NSMF: variants seen among roughly 807,000 people sequenced by gnomAD.
NSMF encodes the protein nasal embryonic LHRH factor.
A neutral mutation model predicts 71.0 loss-of-function variants in NSMF; 31 were observed. That is an observed-to-expected ratio of 0.44 (90% CI 0.33 to 0.59). The LOEUF (loss-of-function observed/expected upper bound fraction) is 0.59. Ranked by LOEUF, NSMF falls within the 20% of genes least tolerant of loss-of-function variation. The pLI is 0.04. For missense variants in NSMF, 673 were observed against 740.5 expected (o/e 0.91, Z 1.06); for synonymous variants, 345 against 287.1 (o/e 1.20, Z -2.04).
intron 1 of NSMF, 126 bp from the exon 2 acceptor site, chr9:137,458,675 C>A (rs1831000086): frequency 1.1e-6 from 1 of 952,290 alleles, no homozygotes; most frequent in Non-Finnish European, 1.6e-6. Context: ...TCGGGGTCGT[C>A]CCCCTCCGGG....
At position 137,454,424 on chromosome 9, in the gene NSMF, G is replaced by C; in HGVS notation, c.799C>G (p.Arg267Gly). ...VIQRNFRKHLRMVGSRRVKAQ... is the reference protein window; with the variant it reads ...VIQRNFRKHLGMVGSRRVKAQ... ...TTCACCCTCCGGCTGCCGACCATGC[G>C]CAGGTGTTTGCGGAAGTTCCTGGGG... Residue 267 changes from arginine (R) to glycine (G), a missense_variant, in exon 7 of 16, where the codon CGC becomes GGC. Physicochemically the swap from Arg to Gly is moderately radical, Grantham distance 125. Transcript: ENST00000371475. 6.5e-7 allele frequency: 1 copy of C among 1,550,242 alleles called. No individual in the cohort carries two copies.
At chr9:137,454,335 G>T in intron 7 of NSMF, 56 bp downstream of exon 7, 2 of 1,497,396 alleles carry the variant, frequency 1.3e-6, no homozygotes, top group Non-Finnish European at 1.8e-6. Context: ...AGCAAGCAAA[G>T]CCCCAACCAG....
chr9:137,450,860 TTTGATCTCCCCCCCACACCTCTTCCCC>T (rs1830470112), intron 12 of NSMF, among the ~76,000 whole-genome samples: 1 of 11,262 alleles, frequency 8.9e-5, no homozygotes, highest in Non-Finnish European at 1.6e-4. Context: ...GCCTCTTCCT[TTTGATCTCCCCCCCACACCTCTTCCCC>T]TTGATCTCCC....
Position 137,452,835 on chromosome 9 carries a change from G to A in NSMF, c.1048-16C>T. The A allele has an allele frequency of 1.9e-6, 3 of 1,590,728 alleles. No homozygotes were observed. The highest frequency in any genetic ancestry group is 2.6e-6 in the Non-Finnish European group (3 of 1,169,804). ...AGGAAATGAGCTGCGGAGACAAAGAGCTGCTCAGGGGCCCCAGGCCCATCC... is the reference window on the plus strand; with the variant it reads ...AGGAAATGAGCTGCGGAGACAAAGAACTGCTCAGGGGCCCCAGGCCCATCC... On this transcript the variant is annotated splice_polypyrimidine_tract_variant and intron_variant, in intron 9 of 15. Transcript: ENST00000371475.
In NSMF at chr9:137,453,250, C is replaced by T; in HGVS notation, c.923-70G>A. On this transcript the variant is annotated intron_variant, in intron 8 of 15. Coordinates refer to ENST00000371475, the MANE Select transcript of NSMF (RefSeq NM_001130969.3). This position sits in a 1 kb window ranked among gnomAD's most constrained non-coding sequence, Gnocchi z 4.5. Reference sequence around the variant, plus strand: ...TCCTATCCTGGCCATGGCCCCAAGGCCCACAGGGCCCGAAAGCCCCATCCC... The same window carrying T: ...TCCTATCCTGGCCATGGCCCCAAGGTCCACAGGGCCCGAAAGCCCCATCCC... 6.3e-7 allele frequency: 1 copy of T among 1,599,924 alleles called. No homozygotes were observed. Among genetic ancestry groups the T allele is most frequent in the Non-Finnish European group, 8.5e-7 (1 of 1,176,654 alleles).
In NSMF at chr9:137,453,618, G is replaced by C; in HGVS notation, c.922+113C>G. The C allele has an allele frequency of 1.3e-6, 1 of 769,250 alleles. No individual in the cohort carries two copies. The highest frequency in any genetic ancestry group is 2.0e-6 in the Non-Finnish European group (1 of 488,534). 47.7% of individuals were successfully genotyped at this position (769,250 alleles called of 1,614,324 possible). ...CCCATCTCACAAACAGGTAAACCAA[G>C]ATTCAGGAGTGCAAAAGCGCAGCCC... On this transcript the variant is annotated intron_variant, in intron 8 of 15. Coordinates refer to ENST00000371475, the MANE Select transcript of NSMF (RefSeq NM_001130969.3). The surrounding 1 kb of genome is among the most constrained non-coding windows in gnomAD (Gnocchi z 4.5).
Position 137,453,233 on chromosome 9 carries a change from T to C in NSMF, c.923-53A>G. 6.2e-7 allele frequency: 1 copy of C among 1,607,424 alleles called. No homozygotes were observed. The highest frequency in any genetic ancestry group is 8.5e-7 in the Non-Finnish European group (1 of 1,179,024). Reference sequence around the variant, plus strand: ...GCAGGCCCGGCAGCACCTCCTATCCTGGCCATGGCCCCAAGGCCCACAGGG... The same window carrying C: ...GCAGGCCCGGCAGCACCTCCTATCCCGGCCATGGCCCCAAGGCCCACAGGG... On this transcript the variant is annotated intron_variant, in intron 8 of 15. Coordinates refer to ENST00000371475, the MANE Select transcript of NSMF (RefSeq NM_001130969.3). This position sits in a 1 kb window ranked among gnomAD's most constrained non-coding sequence, Gnocchi z 4.5.
Position 137,458,477 on chromosome 9 carries a change from C to T in NSMF, c.133+11G>A, listed in dbSNP as rs749056503. The stretch of plus-strand genomic sequence containing the variant: ...TCTGGGCGGCCCTGGCACGGCCTCG[C>T]GTGCCCCTACCTGCGCCGTTGCGGT... On this transcript the variant is annotated intron_variant, in intron 2 of 15. Coordinates refer to ENST00000371475, the MANE Select transcript of NSMF (RefSeq NM_001130969.3). The T allele has an allele frequency of 1.6e-5, 26 of 1,577,182 alleles. 1 individual carries two copies. The East Asian group carries it at 5.4e-4, about 33-fold the overall frequency.
Position 137,453,354 on chromosome 9 carries a change from G to T in NSMF, c.923-174C>A. On this transcript the variant is annotated intron_variant, in intron 8 of 15. Transcript: ENST00000371475. The surrounding 1 kb of genome is among the most constrained non-coding windows in gnomAD (Gnocchi z 4.5). ...CAGGACAGGCCTGTGGACACCACTGGGCAGCGGCCTGATGTGGGAAGGGAG... is the reference window on the plus strand; with the variant it reads ...CAGGACAGGCCTGTGGACACCACTGTGCAGCGGCCTGATGTGGGAAGGGAG... 1.2e-6 allele frequency: 1 copy of T among 850,406 alleles called. No individual in the cohort carries two copies. Among genetic ancestry groups the T allele is most frequent in the Non-Finnish European group, 1.8e-6 (1 of 549,414 alleles). The allele number at this position is 850,406 out of a possible 1,614,324, so 52.7% of individuals were successfully genotyped here.
At chr9:137,458,364 G>A (rs1269663903) in intron 2 of NSMF, 124 bp downstream of exon 2, 4 of 886,156 alleles carry the variant, frequency 4.5e-6, no homozygotes, top group African/African-American at 1.7e-5. Flanking sequence ...AAGGAAGCCA[G>A]GCCGGCAGGG....
intron 12 of NSMF, 98 bp from the exon 13 acceptor site, chr9:137,450,353 TC>T: frequency 1.1e-6 from 1 of 943,576 alleles, no homozygotes. Flanking sequence ...TTGGTCTTCA[TC>T]CCCCGGCCAC....
In NSMF at chr9:137,449,080, A is replaced by G. The variant is rs1311978420; in HGVS notation, c.*314T>C. The stretch of plus-strand genomic sequence containing the variant: ...TTTCGGGGGTGTAGAAATTGCACTT[A>G]TTTCTATGAACCCCATGGAGGGATG... On this transcript the variant is annotated 3_prime_UTR_variant, in exon 16 of 16. Transcript: ENST00000371475. 1 of 512,102 alleles carries G rather than the reference A, an allele frequency of 2.0e-6. No individual in the cohort carries two copies. Among genetic ancestry groups the G allele is most frequent in the Non-Finnish European group, 3.6e-6 (1 of 280,688 alleles). The allele number at this position is 512,102 out of a possible 1,614,324, so 31.7% of individuals were successfully genotyped here.
At chr9:137,455,500 G>T (rs1327699687) in intron 5 of NSMF, 129 bp downstream of exon 5, 2 of 1,244,440 alleles carry the variant, frequency 1.6e-6, no homozygotes, top group African/African-American at 3.0e-5. Context: ...CCCGCTGGGA[G>T]CCAGGCCCGC....
chr9:137,453,743 C>T lies in NSMF; in HGVS notation c.910G>A (p.Asp304Asn). The T allele has an allele frequency of 6.2e-7, 1 of 1,601,664 alleles. No individual in the cohort carries two copies. The highest frequency in any genetic ancestry group is 1.7e-5 in the Admixed American group (1 of 59,490). Residue 304 changes from aspartate to asparagine, a missense_variant, in exon 8 of 16, where the codon GAC (aspartate) becomes AAC (asparagine). Physicochemically the swap from Asp to Asn is conservative, Grantham distance 23 (BLOSUM62 1). Around this residue, in one of 2 missense-constraint regions of NSMF, gnomAD observed 471 missense variants for 459.6 expected, o/e 1.02. Coordinates refer to ENST00000371475, the MANE Select transcript of NSMF (RefSeq NM_001130969.3). This position sits in a 1 kb window ranked among gnomAD's most constrained non-coding sequence, Gnocchi z 4.5. Reference sequence around the variant, plus strand: ...GCGGGGCACCTACTGTCTCGGGAGTCGTGGGAAGTGTCGGCTTTCATGGGG... The same window carrying T: ...GCGGGGCACCTACTGTCTCGGGAGTTGTGGGAAGTGTCGGCTTTCATGGGG... ...PTPMKADTSH[D>N]SRDSSDLQSS...
At position 137,452,839 on chromosome 9, in the gene NSMF, C is replaced by T. The variant is rs1485795090; in HGVS notation, c.1048-20G>A. On this transcript the variant is annotated intron_variant, in intron 9 of 15. Transcript: ENST00000371475. Reference sequence around the variant, plus strand: ...AATGAGCTGCGGAGACAAAGAGCTGCTCAGGGGCCCCAGGCCCATCCAAAA... The same window carrying T: ...AATGAGCTGCGGAGACAAAGAGCTGTTCAGGGGCCCCAGGCCCATCCAAAA... The T allele has an allele frequency of 6.3e-7, 1 of 1,588,450 alleles. No homozygotes were observed. The highest frequency in any genetic ancestry group is 8.6e-7 in the Non-Finnish European group (1 of 1,168,514).
intron 6 of NSMF, chr9:137,454,751 GAGC>G (rs1167654457): frequency 6.9e-7 from 1 of 1,451,008 alleles, no homozygotes; most frequent in Non-Finnish European, 9.1e-7. Flanking sequence ...CTTACGCCCT[GAGC>G]CTCCACGCCC....
In NSMF at chr9:137,449,152, C is replaced by T. The variant is rs762125296; in HGVS notation, c.*242G>A. 724 of 589,002 alleles carry T rather than the reference C, an allele frequency of 1.2e-3. 2 individuals carry two copies. Among genetic ancestry groups the T allele is most frequent in the Admixed American group, 2.9e-3 (97 of 33,874 alleles). 36.5% of individuals were successfully genotyped at this position (589,002 alleles called of 1,614,324 possible). ...GAGGCATGGCAGGTCAGTGCCTGGC[C>T]GCTGAGCATCCACGGGCCACAGGGC... On this transcript the variant is annotated 3_prime_UTR_variant, in exon 16 of 16. Coordinates refer to ENST00000371475, the MANE Select transcript of NSMF (RefSeq NM_001130969.3).
Position 137,457,404 on chromosome 9 carries a change from C to T in NSMF, c.628+3G>A, listed in dbSNP as rs1231166219. 6 of 1,612,806 alleles carry T rather than the reference C, an allele frequency of 3.7e-6. No individual in the cohort carries two copies. The highest frequency in any genetic ancestry group is 1.3e-5 in the African/African-American group (1 of 74,946). ...TGTCTATGCCCTGACACAAACCCCT[C>T]ACCAGACACACGGTCAACGCTGTAC... On this transcript the variant is annotated splice_donor_region_variant and intron_variant, in intron 3 of 15. Transcript: ENST00000371475.
At chr9:137,456,610 G>A in intron 3 of NSMF, 124 bp from the exon 4 acceptor site, 1 of 739,470 alleles carries the variant, frequency 1.4e-6, no homozygotes. Context: ...CAGGGCGGGT[G>A]GGGGGAGGGT....
Sources: gnomAD v4.1 joint callset for allele counts (sites outside exome capture counted in the v4.1 genomes callset) on GRCh38, gnomAD v4.1.1 for gene constraint, gnomAD v4.1.1 regional missense constraint, Gnocchi (gnomAD v3.1) non-coding constraint, MANE v1.5 for transcripts, NCBI Gene and HGNC (gene_info 2026-07-23, HGNC 2026-07-21) for gene names.